The following TRPC3 variants were observed in gnomAD, a reference collection of about 807,000 sequenced individuals.
The protein encoded by TRPC3 is short transient receptor potential channel 3.
Under a neutral mutation model 90.9 loss-of-function variants are expected in TRPC3, and 54 were observed. The ratio of observed to expected loss-of-function variants is 0.59; its 90% CI spans 0.48 to 0.75. The LOEUF is 0.75. Among genes scored for constraint, TRPC3 ranks in the 30% least tolerant of loss-of-function variants. The pLI, the probability that TRPC3 is intolerant of heterozygous loss-of-function variation, is 0.00. For synonymous variants in TRPC3, 424 were observed against 450.9 expected, an observed-to-expected ratio of 0.94 and a Z score of 0.75; for missense variants, 918 against 1,194.5, an observed-to-expected ratio of 0.77 and a Z score of 3.41.
intron 9 of TRPC3, among the ~76,000 whole-genome samples, 185 bp downstream of exon 9, chr4:121,902,667 C>T (rs994430116): frequency 6.6e-6 from 1 of 152,094 alleles, no homozygotes; most frequent in Non-Finnish European, 1.5e-5. Context: ...AGCAGGGCCT[C>T]GACTCAGTGA....
intron 3 of TRPC3, among the ~76,000 whole-genome samples, chr4:121,920,770 C>T (rs1047843141): frequency 2.6e-5 from 4 of 152,150 alleles, no homozygotes; most frequent in African/African-American, 9.7e-5. Context: ...CATGCCTATT[C>T]AAATCTTTTG....
chr4:121,948,109 T>C (rs944474077), intron 1 of TRPC3, among the ~76,000 whole-genome samples: 1 of 152,130 alleles, frequency 6.6e-6, no homozygotes, highest in African/African-American at 2.4e-5. Context: ...AGCTTTAAAC[T>C]TGTATTTCCT....
At chr4:121,902,436 T>A (rs1360820401) in intron 9 of TRPC3, among the ~76,000 whole-genome samples, 1 of 152,124 alleles carries the variant, frequency 6.6e-6, no homozygotes, top group Non-Finnish European at 1.5e-5. Flanking sequence ...TTTAGTCAAA[T>A]AAAAAGTTTC....
At chr4:121,917,330 G>C (rs1729354137) in intron 3 of TRPC3, among the ~76,000 whole-genome samples, 1 of 152,100 alleles carries the variant, frequency 6.6e-6, no homozygotes, top group Non-Finnish European at 1.5e-5. Flanking sequence ...GATTCTTGTT[G>C]AGAACTTCTC....
Position 121,932,163 on chromosome 4 carries a change from T to C in TRPC3, c.987+108A>G. ...GTTCTCAGTCCCTCGTGATTTCACA[T>C]TCACTGGGCAAAACCGAATGTGGAG... On this transcript the variant is annotated intron_variant, in intron 2 of 11. Coordinates refer to ENST00000379645, the MANE Select transcript of TRPC3 (RefSeq NM_001130698.2). The surrounding 1 kb of genome is among the most constrained non-coding windows in gnomAD (Gnocchi z 7.7). The C allele has an allele frequency of 3.3e-6, 5 of 1,507,258 alleles. No homozygotes were observed. Among genetic ancestry groups the C allele is most frequent in the South Asian group, 1.3e-5 (1 of 74,898 alleles). 93.4% of individuals were successfully genotyped at this position (1,507,258 alleles called of 1,614,324 possible).
intron 10 of TRPC3, among the ~76,000 whole-genome samples, chr4:121,886,981 A>G (rs889580382): frequency 3.3e-5 from 5 of 152,228 alleles, no homozygotes; most frequent in South Asian, 2.1e-4. Flanking sequence ...AAGGACTTAC[A>G]TTGAAATAAC....
In TRPC3 at chr4:121,875,531, T is replaced by A. The variant is rs746865892; in HGVS notation, c.*4205A>T. Among the ~76,000 whole-genome samples, 1 of 152,136 alleles carries A rather than the reference T, an allele frequency of 6.6e-6. No homozygotes were observed. The highest frequency in any genetic ancestry group is 1.5e-5 in the Non-Finnish European group (1 of 68,016). ...CTGTGTGTCCTCTTTTTAAAGATGT[T>A]TTAGGGTATCAGAGACATCTTGGTG... is the stretch of plus-strand genomic sequence containing the variant. On this transcript the variant is annotated 3_prime_UTR_variant, in exon 12 of 12. Transcript: ENST00000379645.
intron 1 of TRPC3, among the ~76,000 whole-genome samples, chr4:121,934,259 TA>T (rs1194800382): frequency 7.2e-5 from 11 of 152,318 alleles, no homozygotes; most frequent in Non-Finnish European, 1.5e-4. Context: ...TCCTCATGAA[TA>T]AAAAGCTTTT....
chr4:121,907,222 C>A (rs1728911721), intron 7 of TRPC3, 81 bp downstream of exon 7: 4 of 1,301,652 alleles, frequency 3.1e-6, no homozygotes, highest in Non-Finnish European at 4.2e-6. Context: ...TTATTACAAT[C>A]AGAGAAATTT....
intron 7 of TRPC3, among the ~76,000 whole-genome samples, chr4:121,906,665 C>T (rs2149121713): frequency 6.6e-6 from 1 of 152,152 alleles, no homozygotes; most frequent in Middle Eastern, 3.4e-3. Flanking sequence ...CCTGGAAGAA[C>T]TGCAGTAGAA....
At chr4:121,886,004 G>A (rs552869958) in intron 10 of TRPC3, among the ~76,000 whole-genome samples, 2 of 152,298 alleles carry the variant, frequency 1.3e-5, no homozygotes, top group South Asian at 2.1e-4. Flanking sequence ...CTGAAATTGA[G>A]TGGTAACCAG....
chr4:121,879,906 G>A, intron 11 of TRPC3, 28 bp from the exon 12 acceptor site: 1 of 1,510,376 alleles, frequency 6.6e-7, no homozygotes, highest in African/African-American at 1.4e-5. Context: ...AAAAATTATT[G>A]GTAAGTTGCT....
chr4:121,895,875 G>A (rs1728501279), intron 10 of TRPC3, among the ~76,000 whole-genome samples: 2 of 151,426 alleles, frequency 1.3e-5, no homozygotes, highest in South Asian at 4.2e-4. Flanking sequence ...CCAAAATAAG[G>A]ACACAATAAA....
chr4:121,918,661 A>G (rs541050023), intron 3 of TRPC3, among the ~76,000 whole-genome samples: 3 of 152,266 alleles, frequency 2.0e-5, no homozygotes, highest in East Asian at 3.9e-4. Context: ...TAACAGGTCT[A>G]TTTCCTATGC....
intron 10 of TRPC3, among the ~76,000 whole-genome samples, chr4:121,888,819 C>A (rs1387454075): frequency 3.3e-5 from 5 of 152,086 alleles, no homozygotes; most frequent in Non-Finnish European, 7.4e-5. Context: ...ATGTTTTGTC[C>A]ACCCCAGGCT....
intron 1 of TRPC3, among the ~76,000 whole-genome samples, chr4:121,946,408 A>T (rs895134656): frequency 2.6e-5 from 4 of 152,242 alleles, no homozygotes; most frequent in Non-Finnish European, 1.5e-5. Context: ...CTAAGAAACA[A>T]GGACACGATG....
intron 3 of TRPC3, among the ~76,000 whole-genome samples, chr4:121,922,297 A>G (rs1182304265): frequency 1.3e-5 from 2 of 152,212 alleles, no homozygotes; most frequent in African/African-American, 4.8e-5. Context: ...GAATTCTTAC[A>G]CACATTTATT....
intron 10 of TRPC3, among the ~76,000 whole-genome samples, chr4:121,887,094 C>T (rs1165892287): frequency 6.6e-6 from 1 of 152,168 alleles, no homozygotes; most frequent in Non-Finnish European, 1.5e-5. Context: ...ATTTAAACAA[C>T]TGCCCTCAGG....
At position 121,914,958 on chromosome 4, in the gene TRPC3, G is replaced by C; in HGVS notation, c.1177-14C>G. The C allele has an allele frequency of 6.3e-7, 1 of 1,581,668 alleles. No individual in the cohort carries two copies. On this transcript the variant is annotated splice_polypyrimidine_tract_variant and intron_variant, in intron 3 of 11. Transcript: ENST00000379645. ...ATGAGCCACAAACTATTGGGAGAGA[G>C]AGAGTTTGAGAAGGGGAGAGAAAGG...
Sources: gnomAD v4.1 joint callset for allele counts (sites outside exome capture counted in the v4.1 genomes callset) on GRCh38, gnomAD v4.1.1 for gene constraint, Gnocchi (gnomAD v3.1) non-coding constraint, MANE v1.5 for transcripts, NCBI Gene and HGNC (gene_info 2026-07-23, HGNC 2026-07-21) for gene names.